Variants in DLGAP1 observed in about 807,000 individuals in gnomAD.
The protein encoded by DLGAP1 is DLG associated protein 1.
DLGAP1 carries 11 observed loss-of-function variants against 90.8 expected under a neutral mutation model. The ratio of observed to expected loss-of-function variants is 0.12; its 90% CI spans 0.08 to 0.20. DLGAP1 has a LOEUF of 0.20. Among genes scored for constraint, DLGAP1 ranks in the 10% least tolerant of loss-of-function variants. The pLI is 1.00. For missense variants in DLGAP1, 1,050 were observed against 1,333.8 expected (o/e 0.79, Z 3.31); for synonymous variants, 558 against 540.7 (o/e 1.03, Z -0.44).
chr18:3,700,183 C>T (rs545771285), intron 7 of DLGAP1, among the ~76,000 whole-genome samples: 4 of 152,280 alleles, frequency 2.6e-5, no homozygotes, highest in Admixed American at 6.5e-5. Context: ...AAAAAACTCC[C>T]GCAGCTAGCT....
At chr18:3,847,903 A>T (rs1223689609) in intron 4 of DLGAP1, among the ~76,000 whole-genome samples, 2 of 152,094 alleles carry the variant, frequency 1.3e-5, no homozygotes, top group Non-Finnish European at 2.9e-5. Flanking sequence ...TGTAATCCCA[A>T]CATTTTGGGA....
intron 6 of DLGAP1, among the ~76,000 whole-genome samples, chr18:3,738,198 C>T (rs904119660): frequency 2.0e-5 from 3 of 149,152 alleles, no homozygotes; most frequent in Non-Finnish European, 3.0e-5. Context: ...GGCCATACTG[C>T]CCAAGGTAAT....
chr18:3,616,090 C>T (rs2057851416), intron 7 of DLGAP1, among the ~76,000 whole-genome samples: 1 of 152,118 alleles, frequency 6.6e-6, no homozygotes, highest in South Asian at 2.1e-4. Context: ...TAGAGTTCTG[C>T]TGAGTAATTT....
At position 3,874,552 on chromosome 18, in the gene DLGAP1, C is replaced by T; in HGVS notation, c.957+4560G>A. The T allele has an allele frequency of 2.0e-6, 3 of 1,472,828 alleles. No homozygotes were observed. In the South Asian group the frequency reaches 4.1e-5, roughly 20 times the overall value. The allele number at this position is 1,472,828 out of a possible 1,614,324, so 91.2% of individuals were successfully genotyped here. The stretch of plus-strand genomic sequence containing the variant: ...AGCAAAAACAAAACAACAACAAAAA[C>T]CACCTTTTATTCTATCTCTGAACCT... On this transcript the variant is annotated intron_variant, in intron 4 of 12. Transcript: ENST00000315677.
At chr18:3,572,573 C>T (rs2054875864) in intron 8 of DLGAP1, among the ~76,000 whole-genome samples, 1 of 152,172 alleles carries the variant, frequency 6.6e-6, no homozygotes, top group Non-Finnish European at 1.5e-5. Flanking sequence ...CCTCAGCCTC[C>T]CGAGTAGCTG....
intron 2 of DLGAP1, among the ~76,000 whole-genome samples, chr18:4,127,751 A>G (rs1029510977): frequency 9.2e-5 from 14 of 152,338 alleles, no homozygotes; most frequent in African/African-American, 3.1e-4. Flanking sequence ...TCAGAAAATA[A>G]GGCCTGAAAC....
At chr18:3,934,583 C>A (rs576834211) in intron 3 of DLGAP1, among the ~76,000 whole-genome samples, 15 of 152,238 alleles carry the variant, frequency 9.9e-5, no homozygotes, top group African/African-American at 1.4e-4. Flanking sequence ...CACTTACAGA[C>A]CTTTTGGTGA....
At chr18:3,828,591 G>C (rs963580765) in intron 4 of DLGAP1, among the ~76,000 whole-genome samples, 22 of 124,502 alleles carry the variant, frequency 1.8e-4, no homozygotes, top group African/African-American at 6.7e-4. Flanking sequence ...AGTGAGTTGT[G>C]ATCAGGCCAC....
intron 2 of DLGAP1, among the ~76,000 whole-genome samples, chr18:4,025,258 G>A (rs558652235): frequency 1.3e-5 from 2 of 152,120 alleles, no homozygotes; most frequent in South Asian, 4.1e-4. Flanking sequence ...AAAGAGGTGA[G>A]TACTGCTATT....
At chr18:4,427,944 T>A (rs1182625346) in intron 1 of DLGAP1, among the ~76,000 whole-genome samples, 1 of 152,214 alleles carries the variant, frequency 6.6e-6, no homozygotes, top group Non-Finnish European at 1.5e-5. Flanking sequence ...TGGTCTTTAC[T>A]GTCAAGCCTG....
intron 2 of DLGAP1, among the ~76,000 whole-genome samples, chr18:4,049,507 A>G (rs2075102541): frequency 6.6e-6 from 1 of 152,124 alleles, no homozygotes; most frequent in African/African-American, 2.4e-5. Flanking sequence ...TGTTCTAAAA[A>G]TTATACTCTG....
At chr18:4,187,336 G>A (rs973352209) in intron 1 of DLGAP1, among the ~76,000 whole-genome samples, 1 of 152,044 alleles carries the variant, frequency 6.6e-6, no homozygotes, top group Non-Finnish European at 1.5e-5. Context: ...CAGTTTTCAA[G>A]AAGAATGTTT....
intron 5 of DLGAP1, among the ~76,000 whole-genome samples, chr18:3,765,366 A>AGG (rs2064189187): frequency 6.6e-6 from 1 of 150,380 alleles, no homozygotes; most frequent in African/African-American, 2.4e-5. Context: ...TCCTGACCTC[A>AGG]TGATCTGCCC....
At chr18:4,205,718 C>T (rs2077707419) in intron 1 of DLGAP1, among the ~76,000 whole-genome samples, 1 of 152,224 alleles carries the variant, frequency 6.6e-6, no homozygotes. Flanking sequence ...AGCCACATTT[C>T]AAGTGCTCAA....
intron 8 of DLGAP1, chr18:3,580,711 A>T (rs2055446088): frequency 6.2e-6 from 10 of 1,613,796 alleles, no homozygotes; most frequent in Non-Finnish European, 8.5e-6. Flanking sequence ...ACAGTCAACC[A>T]CAGGCCTCTC....
At chr18:3,627,408 C>A (rs1411593944) in intron 7 of DLGAP1, among the ~76,000 whole-genome samples, 1 of 141,660 alleles carries the variant, frequency 7.1e-6, no homozygotes, top group African/African-American at 2.6e-5. Context: ...AATGTGTTGT[C>A]AGTTTCCTTC....
rs1030441567 is a variant in DLGAP1 at position 3,775,198 on chromosome 18, C to T, written c.1173-32686G>A. Among the ~76,000 whole-genome samples the T allele has an allele frequency of 6.6e-6, 1 of 152,182 alleles. No individual in the cohort carries two copies. Among genetic ancestry groups the T allele is most frequent in the African/African-American group, 2.4e-5 (1 of 41,440 alleles). Reference sequence around the variant, plus strand: ...TTTTTCCTTAAGAAGGGTATGTAAGCATCTGGATCCCACTGGGTTATTTTG... The same window carrying T: ...TTTTTCCTTAAGAAGGGTATGTAAGTATCTGGATCCCACTGGGTTATTTTG... On this transcript the variant is annotated intron_variant, in intron 5 of 12. Transcript: ENST00000315677. This position sits in a 1 kb window ranked among gnomAD's most constrained non-coding sequence, Gnocchi z 4.9.
chr18:3,671,184 C>CTT (rs11311056), intron 7 of DLGAP1, among the ~76,000 whole-genome samples: 3 of 143,478 alleles, frequency 2.1e-5, no homozygotes, highest in African/African-American at 7.7e-5. Flanking sequence ...CTCTTTGCTG[C>CTT]TTTTTTTTTT....
intron 3 of DLGAP1, among the ~76,000 whole-genome samples, chr18:3,905,954 G>A (rs993662242): frequency 2.0e-5 from 3 of 152,184 alleles, no homozygotes; most frequent in African/African-American, 7.2e-5. Flanking sequence ...CTTTTGAAGA[G>A]TACCTCTAGC....
Sources: allele counts gnomAD v4.1 joint callset (sites outside exome capture counted in the v4.1 genomes callset), GRCh38; gene constraint gnomAD v4.1.1; non-coding constraint Gnocchi (gnomAD v3.1); transcripts MANE v1.5; gene names NCBI Gene and HGNC (gene_info 2026-07-23, HGNC 2026-07-21).